Variants in MYO1B observed in about 807,000 individuals in gnomAD.
MYO1B encodes the protein unconventional myosin-Ib.
A neutral mutation model predicts 159.7 loss-of-function variants in MYO1B; 72 were observed. The observed-to-expected ratio is 0.45, with a 90% CI of 0.37 to 0.55. The LOEUF is 0.55. MYO1B is among the 20% of genes least tolerant of loss of function. The pLI is 0.00. For synonymous variants in MYO1B, 468 were observed against 473.8 expected, an observed-to-expected ratio of 0.99 and a Z score of 0.16; for missense variants, 1,062 against 1,364.8, an observed-to-expected ratio of 0.78 and a Z score of 3.50.
chr2:191,314,947 A>G (rs1690247992), intron 3 of MYO1B, among the ~76,000 whole-genome samples: 1 of 152,188 alleles, frequency 6.6e-6, no homozygotes. Context: ...ATATTTTTAA[A>G]TTGTAGATTT....
intron 11 of MYO1B, 111 bp from the exon 12 acceptor site, chr2:191,369,431 A>T: frequency 1.3e-6 from 1 of 794,984 alleles, no homozygotes; most frequent in South Asian, 1.9e-5. Context: ...TTCTGCAAAG[A>T]TGTGAAATAA....
At chr2:191,316,864 G>A (rs1041213276) in intron 3 of MYO1B, among the ~76,000 whole-genome samples, 1 of 152,196 alleles carries the variant, frequency 6.6e-6, no homozygotes, top group Admixed American at 6.5e-5. Flanking sequence ...AGCTTTTCTA[G>A]GCAGTCTTCT....
intron 15 of MYO1B, 131 bp downstream of exon 15, chr2:191,383,473 T>TATATATATATATGC (rs1170563038): frequency 1.7e-5 from 2 of 119,862 alleles, no homozygotes; most frequent in African/African-American, 7.7e-5. Context: ...TATATATATA[T>TATATATATATATGC]ACACACACAC....
intron 30 of MYO1B, among the ~76,000 whole-genome samples, chr2:191,418,731 C>T (rs4435396): frequency 0.81 from 122,983 of 152,038 alleles, 53,896 homozygotes; most frequent in Non-Finnish European, 0.98. Context: ...TCAGGTGATC[C>T]GCCCCCCTGG....
chr2:191,253,591 T>C (rs1377565587), intron 1 of MYO1B, among the ~76,000 whole-genome samples: 1 of 151,136 alleles, frequency 6.6e-6, no homozygotes, highest in Non-Finnish European at 1.5e-5. Context: ...AAAAAGAAAA[T>C]ATTTGAAGCA....
chr2:191,315,914 A>G (rs1204445069), intron 3 of MYO1B, among the ~76,000 whole-genome samples: 8 of 152,196 alleles, frequency 5.3e-5, no homozygotes, highest in African/African-American at 1.9e-4. Flanking sequence ...CTTAGAATCT[A>G]TAGGGTTGGG....
At chr2:191,418,993 G>A (rs570543326) in intron 30 of MYO1B, among the ~76,000 whole-genome samples, 18 of 152,288 alleles carry the variant, frequency 1.2e-4, no homozygotes, top group African/African-American at 3.6e-4. Context: ...CACAGATGAC[G>A]GTGGTCCCCT....
At chr2:191,328,332 A>G (rs1334536590) in intron 3 of MYO1B, among the ~76,000 whole-genome samples, 1 of 151,820 alleles carries the variant, frequency 6.6e-6, no homozygotes, top group Non-Finnish European at 1.5e-5. Flanking sequence ...CCAAATATAC[A>G]CTCTTCCTGT....
At chr2:191,382,294 A>C (rs1179657001) in intron 14 of MYO1B, among the ~76,000 whole-genome samples, 1 of 152,074 alleles carries the variant, frequency 6.6e-6, no homozygotes, top group Non-Finnish European at 1.5e-5. Flanking sequence ...GCCATTAAGG[A>C]CACTGAATTC....
chr2:191,355,618 A>G (rs1442883362), intron 7 of MYO1B, among the ~76,000 whole-genome samples: 2 of 152,222 alleles, frequency 1.3e-5, no homozygotes, highest in African/African-American at 2.4e-5. Flanking sequence ...CCTTGTGTGC[A>G]TTGCCCCATC....
At chr2:191,338,648 C>G (rs1388578722) in intron 4 of MYO1B, among the ~76,000 whole-genome samples, 1 of 152,166 alleles carries the variant, frequency 6.6e-6, no homozygotes, top group Non-Finnish European at 1.5e-5. Flanking sequence ...TTCCCCCCAC[C>G]ACCACCCTGC....
chr2:191,326,868 AC>A (rs1691132116), intron 3 of MYO1B, among the ~76,000 whole-genome samples: 1 of 151,066 alleles, frequency 6.6e-6, no homozygotes, highest in East Asian at 2.0e-4. Context: ...TTATTTTGGA[AC>A]CAGTGGTAAA....
In MYO1B at chr2:191,352,520, G is replaced by A. The variant is rs115532280; in HGVS notation, c.562+2295G>A. On this transcript the variant is annotated intron_variant, in intron 7 of 30. Transcript: ENST00000392318. ...TGAAGTTTAAGTTCTAAGCACAAAT[G>A]TCTTCTTGTCCCCTGATTCTTGCAG... Among the ~76,000 whole-genome samples the A allele has an allele frequency of 4.1e-3, 631 of 152,256 alleles. 9 individuals are homozygous for A. Among genetic ancestry groups the A allele is most frequent in the African/African-American group, 0.014 (575 of 41,542 alleles).
chr2:191,285,079 C>T (rs1236469188), intron 2 of MYO1B, among the ~76,000 whole-genome samples: 1 of 152,114 alleles, frequency 6.6e-6, no homozygotes, highest in Non-Finnish European at 1.5e-5. Flanking sequence ...CAATTAACCA[C>T]AGAAATATTA....
chr2:191,381,642 C>G, intron 14 of MYO1B, 76 bp downstream of exon 14: 3 of 1,078,742 alleles, frequency 2.8e-6, no homozygotes, highest in Non-Finnish European at 4.1e-6. Flanking sequence ...AGAAGATAGC[C>G]TAAACAAGAA....
intron 1 of MYO1B, among the ~76,000 whole-genome samples, chr2:191,265,494 A>G (rs17439519): frequency 0.078 from 11,940 of 152,162 alleles, 744 homozygotes; most frequent in Admixed American, 0.2. Flanking sequence ...TAATAAGCTG[A>G]TTCATTTGGA....
intron 1 of MYO1B, chr2:191,263,305 GA>G: frequency 1.0e-6 from 1 of 984,702 alleles, no homozygotes; most frequent in Non-Finnish European, 1.2e-6. Flanking sequence ...CTGTCACAAC[GA>G]ATGTTTGTCT....
chr2:191,306,190 C>G (rs1235995426), intron 3 of MYO1B, among the ~76,000 whole-genome samples: 1 of 151,988 alleles, frequency 6.6e-6, no homozygotes, highest in Non-Finnish European at 1.5e-5. Context: ...AATAGGGTAA[C>G]CAGGGAGTGC....
At chr2:191,276,077 G>T (rs192698768) in intron 1 of MYO1B, among the ~76,000 whole-genome samples, 1 of 152,240 alleles carries the variant, frequency 6.6e-6, no homozygotes, top group East Asian at 1.9e-4. Context: ...AGTATTTCTG[G>T]TCTGTTTACT....
Sources: allele counts gnomAD v4.1 joint callset (sites outside exome capture counted in the v4.1 genomes callset), GRCh38; gene constraint gnomAD v4.1.1; transcripts MANE v1.5; gene names NCBI Gene and HGNC (gene_info 2026-07-23, HGNC 2026-07-21).